NME8: variants seen among roughly 807,000 people sequenced by gnomAD.
The protein encoded by NME8 is NME/NM23 family member 8, also known as protein NME8.
NME8 carries 72 observed loss-of-function variants against 82.3 expected under a neutral mutation model. That is an observed-to-expected ratio of 0.87 (90% confidence interval 0.72 to 1.06). The LOEUF (loss-of-function observed/expected upper bound fraction) is 1.06, where lower values mean the gene tolerates loss of function less well. Ranked by LOEUF, NME8 falls within the 50% of genes least tolerant of loss-of-function variation. NME8 has a pLI of 0.00. For synonymous variants in NME8, 267 were observed against 228.5 expected (o/e 1.17, Z -1.52); for missense variants, 712 against 685.4 (o/e 1.04, Z -0.43).
chr7:37,854,156 G>A (rs1193254528), intron 5 of NME8, among the ~76,000 whole-genome samples: 1 of 151,888 alleles, frequency 6.6e-6, no homozygotes, highest in Non-Finnish European at 1.5e-5. Flanking sequence ...ATAAACAGTC[G>A]ATTGATACAT....
chr7:37,872,374 A>G (rs952712285), intron 11 of NME8, among the ~76,000 whole-genome samples: 4 of 152,210 alleles, frequency 2.6e-5, no homozygotes, highest in African/African-American at 9.6e-5. Flanking sequence ...TCAAGGAAAA[A>G]TGAGTACCTG....
At chr7:37,863,077 A>G (rs1784621699) in intron 7 of NME8, among the ~76,000 whole-genome samples, 1 of 152,082 alleles carries the variant, frequency 6.6e-6, no homozygotes, top group South Asian at 2.1e-4. Context: ...CCAAAATAGC[A>G]CCACTGCACT....
intron 12 of NME8, among the ~76,000 whole-genome samples, chr7:37,882,637 AAGAAAGAGAAAGAAAGAAAG>A (rs1784979846): frequency 5.8e-5 from 8 of 138,102 alleles, no homozygotes; most frequent in African/African-American, 1.9e-4. Flanking sequence ...GAAAGAAAGA[AAGAAAGAGAAAGAAAGAAAG>A]AGAAAGAAAG....
intron 11 of NME8, among the ~76,000 whole-genome samples, chr7:37,870,757 A>G (rs1288163544): frequency 6.6e-6 from 1 of 151,988 alleles, no homozygotes; most frequent in Non-Finnish European, 1.5e-5. Context: ...GTACATGTTA[A>G]TCAAATTTGT....
chr7:37,851,526 C>T (rs1784438598), intron 5 of NME8, among the ~76,000 whole-genome samples: 1 of 151,958 alleles, frequency 6.6e-6, no homozygotes, highest in South Asian at 2.1e-4. Flanking sequence ...GTGTAAGAGA[C>T]ACATTAGATT....
chr7:37,861,152 TC>T (rs957388637), intron 6 of NME8, among the ~76,000 whole-genome samples: 3 of 152,218 alleles, frequency 2.0e-5, no homozygotes. Context: ...GGTCATGGCC[TC>T]TGCTTAAACA....
intron 10 of NME8, 86 bp downstream of exon 10, chr7:37,865,703 A>T (rs1301181150): frequency 3.4e-6 from 3 of 886,336 alleles, no homozygotes; most frequent in Non-Finnish European, 5.6e-6. Context: ...AGAAAAGCAA[A>T]TTAGTAAGTC....
chr7:37,888,863 G>T (rs537989432), intron 15 of NME8, among the ~76,000 whole-genome samples: 25 of 146,056 alleles, frequency 1.7e-4, no homozygotes, highest in South Asian at 1.1e-3. Flanking sequence ...ATTTTACTTG[G>T]TTTTTTTTTT....
At chr7:37,882,760 C>T (rs906032564) in intron 12 of NME8, among the ~76,000 whole-genome samples, 1 of 152,084 alleles carries the variant, frequency 6.6e-6, no homozygotes, top group African/African-American at 2.4e-5. Context: ...TGCTAGACAC[C>T]TTTATCTAGA....
chr7:37,883,987 C>A lies in NME8; in HGVS notation c.995-316C>A, dbSNP rs1450842. On this transcript the variant is annotated intron_variant, in intron 12 of 17. Transcript: ENST00000199447. ...TACACACACACACACACACACACAC[C>A]CACACAATCACTCACATTCACATGC... 0.23 allele frequency among the ~76,000 whole-genome samples: 33,770 copies of A among 144,514 alleles called. 3,903 individuals carry two copies. The highest frequency in any genetic ancestry group is 0.41 in the East Asian group (1,890 of 4,650). The allele number at this position is 144,514 out of a possible 152,430, so 94.8% of individuals were successfully genotyped here. A position where few individuals can be genotyped will look rare whatever the true frequency, so the allele number is the denominator to read the frequency against.
intron 2 of NME8, among the ~76,000 whole-genome samples, chr7:37,850,045 G>A (rs551255445): frequency 1.1e-3 from 162 of 152,214 alleles, no homozygotes; most frequent in Middle Eastern, 6.8e-3. Context: ...CATTTACCCT[G>A]ATGTGATTAT....
rs748368776 is a variant in NME8 at position 37,863,356 on chromosome 7, C to T, written c.388-40C>T. ...AAACCCACTCACTATCATATTAAAA[C>T]ATAACTGTGTTATCTTTGCATTGCA... On this transcript the variant is annotated intron_variant, in intron 7 of 17. Transcript: ENST00000199447. 5.9e-6 allele frequency: 7 copies of T among 1,192,756 alleles called. No individual in the cohort carries two copies. The South Asian group carries it at 7.3e-5, about 12-fold the overall frequency. 73.9% of individuals were successfully genotyped at this position (1,192,756 alleles called of 1,614,324 possible).
intron 9 of NME8, 37 bp from the exon 10 acceptor site, chr7:37,865,488 C>T (rs762032346): frequency 2.1e-6 from 3 of 1,410,508 alleles, no homozygotes; most frequent in Non-Finnish European, 3.0e-6. Flanking sequence ...CATGTGATCC[C>T]ACGACACCTG....
At position 37,867,777 on chromosome 7, in the gene NME8, C is replaced by G. The variant is rs774237316; in HGVS notation, c.697C>G (p.His233Asp). The stretch of plus-strand genomic sequence containing the variant: ...TCTAGTTGTATCTCAAGGAAGTAAA[C>G]ACAATCCTCCCTCTGAAGAAACCGA... The part of the protein sequence containing the change: ...YILVVSQGSK[H>D]NPPSEETEPQ... The change falls in exon 11 of 18, where the codon CAC becomes GAC. Residue 233 changes from histidine (H) to aspartate (D), a missense_variant. Transcript: ENST00000199447. The G allele has an allele frequency of 2.5e-6, 4 of 1,613,640 alleles. No homozygotes were observed. Among genetic ancestry groups the G allele is most frequent in the Non-Finnish European group, 3.4e-6 (4 of 1,179,630 alleles).
At chr7:37,851,742 G>T (rs866519335) in intron 5 of NME8, among the ~76,000 whole-genome samples, 39 of 151,966 alleles carry the variant, frequency 2.6e-4, no homozygotes, top group African/African-American at 8.9e-4. Flanking sequence ...ATATAGAAAA[G>T]CTCCCAAACC....
intron 11 of NME8, among the ~76,000 whole-genome samples, chr7:37,875,530 T>C (rs1784834820): frequency 6.6e-6 from 1 of 151,938 alleles, no homozygotes; most frequent in African/African-American, 2.4e-5. Context: ...AGGGTGTAAA[T>C]GGGAGTTCTT....
chr7:37,878,004 C>T (rs1232445258), intron 12 of NME8, among the ~76,000 whole-genome samples: 2 of 152,148 alleles, frequency 1.3e-5, no homozygotes, highest in Non-Finnish European at 2.9e-5. Flanking sequence ...GCTAGCACAT[C>T]CTGTATGACG....
intron 15 of NME8, among the ~76,000 whole-genome samples, chr7:37,891,691 G>C (rs1435036125): frequency 1.3e-5 from 2 of 151,892 alleles, no homozygotes; most frequent in Non-Finnish European, 2.9e-5. Context: ...GATTGGGCCA[G>C]TAAAGCCCCT....
chr7:37,865,478 C>T (rs1351019147), intron 9 of NME8, 47 bp from the exon 10 acceptor site: 5 of 1,308,062 alleles, frequency 3.8e-6, no homozygotes, highest in Non-Finnish European at 5.5e-6. Context: ...ACTTGTTTTA[C>T]ATGTGATCCC....
Sources: gnomAD v4.1 joint callset for allele counts (sites outside exome capture counted in the v4.1 genomes callset) on GRCh38, gnomAD v4.1.1 for gene constraint, MANE v1.5 for transcripts, NCBI Gene and HGNC (gene_info 2026-07-23, HGNC 2026-07-21) for gene names.